Variants in SLC66A3 observed in about 807,000 individuals in gnomAD.
SLC66A3 encodes the protein solute carrier family 66 member 3, also known as PQ loop repeat containing 3.
Under a neutral mutation model 25.5 loss-of-function variants are expected in SLC66A3, and 23 were observed. The observed-to-expected ratio is 0.90, with a 90% CI of 0.65 to 1.28. The LOEUF is 1.28. Ranked by LOEUF, SLC66A3 falls within the 50% of genes most tolerant of loss-of-function variation. The pLI is 0.00. For synonymous variants in SLC66A3, 108 were observed against 112.6 expected (o/e 0.96, Z 0.26); for missense variants, 246 against 262.1 (o/e 0.94, Z 0.42).
chr2:11,161,349 G>A (rs1220657192), intron 3 of SLC66A3, among the ~76,000 whole-genome samples: 3 of 151,634 alleles, frequency 2.0e-5, no homozygotes, highest in Non-Finnish European at 4.4e-5. Context: ...TGGGATCAAA[G>A]CTCACTGCAG....
intron 4 of SLC66A3, among the ~76,000 whole-genome samples, chr2:11,168,745 G>A (rs1013151748): frequency 1.3e-5 from 2 of 152,012 alleles, no homozygotes; most frequent in African/African-American, 4.8e-5. Flanking sequence ...GCCATCCTCC[G>A]AGCATCTGCA....
In SLC66A3 at chr2:11,172,084, G is replaced by A. The variant is rs1207872216; in HGVS notation, c.475+39G>A. 7 of 1,607,620 alleles carry A rather than the reference G, an allele frequency of 4.4e-6. No homozygotes were observed. In the East Asian group the frequency reaches 1.6e-4, roughly 36 times the overall value. ...TCACATGGTGGGGAGGCCTTTGGTAGCACCAAGTGTCTACGTAGTAGGGTG... is the reference window on the plus strand; with the variant it reads ...TCACATGGTGGGGAGGCCTTTGGTAACACCAAGTGTCTACGTAGTAGGGTG... On this transcript the variant is annotated intron_variant, in intron 5 of 6. Transcript: ENST00000295083.
In SLC66A3 at chr2:11,177,726, T is replaced by TTTTA; in HGVS notation, c.518-7_518-4dup. On this transcript the variant is annotated splice_polypyrimidine_tract_variant and intron_variant, in intron 6 of 6. Coordinates refer to ENST00000295083, the MANE Select transcript of SLC66A3 (RefSeq NM_152391.5). The stretch of plus-strand genomic sequence containing the variant: ...AAGACAGTTTTTAATACACTTTTTT[T>TTTTA]TTTATTTCAGTTCTTCTACGTTTTG... The TTTTA allele has an allele frequency of 1.3e-6, 2 of 1,583,618 alleles. No individual in the cohort carries two copies. The highest frequency in any genetic ancestry group is 2.7e-5 in the African/African-American group (2 of 74,404).
intron 5 of SLC66A3, 83 bp downstream of exon 5, chr2:11,172,128 A>G: frequency 7.2e-7 from 1 of 1,382,912 alleles, no homozygotes; most frequent in Non-Finnish European, 1.0e-6. Context: ...GTGTTGAAGT[A>G]ACATGGTCCC....
At chr2:11,164,950 C>T (rs867469400) in intron 4 of SLC66A3, among the ~76,000 whole-genome samples, 5 of 152,250 alleles carry the variant, frequency 3.3e-5, no homozygotes, top group African/African-American at 1.2e-4. Context: ...TACACAGACA[C>T]AGCAACAATC....
At chr2:11,166,369 C>T (rs1039999173) in intron 4 of SLC66A3, among the ~76,000 whole-genome samples, 4 of 152,094 alleles carry the variant, frequency 2.6e-5, no homozygotes, top group Admixed American at 6.6e-5. Flanking sequence ...CAGAAGTGAA[C>T]GTTTCTACCC....
intron 6 of SLC66A3, among the ~76,000 whole-genome samples, chr2:11,175,385 A>C (rs2290157): frequency 0.025 from 3,848 of 152,322 alleles, 71 homozygotes; most frequent in East Asian, 0.055. Flanking sequence ...GGGCAGATTA[A>C]TTTGAAGAAG....
intron 6 of SLC66A3, among the ~76,000 whole-genome samples, chr2:11,176,634 T>C (rs1431784892): frequency 1.4e-5 from 2 of 139,882 alleles, no homozygotes; most frequent in African/African-American, 5.2e-5. Context: ...GTTCACGCCA[T>C]TCTCCTGCCT....
At chr2:11,156,494 G>A (rs906771022) in intron 1 of SLC66A3, among the ~76,000 whole-genome samples, 1 of 152,166 alleles carries the variant, frequency 6.6e-6, no homozygotes, top group African/African-American at 2.4e-5. Context: ...ACCCAGTGGG[G>A]TCTGAAGCCT....
chr2:11,162,023 A>G lies in SLC66A3; in HGVS notation c.296+1329A>G, dbSNP rs892983394. Among the ~76,000 whole-genome samples the G allele has an allele frequency of 2.0e-5, 3 of 152,218 alleles. 1 individual carries two copies. Among genetic ancestry groups the G allele is most frequent in the Admixed American group, 2.0e-4 (3 of 15,278 alleles). ...CCAGACAGGACAGGTCCCTGCCACC[A>G]CAGGGGTGGCTTCAGCATACACCAT... On this transcript the variant is annotated intron_variant, in intron 3 of 6. Coordinates refer to ENST00000295083, the MANE Select transcript of SLC66A3 (RefSeq NM_152391.5).
intron 1 of SLC66A3, among the ~76,000 whole-genome samples, chr2:11,158,139 G>A (rs10183455): frequency 0.19 from 29,190 of 152,220 alleles, 3,427 homozygotes; most frequent in Non-Finnish European, 0.26. Flanking sequence ...TGGAGCAGAT[G>A]GGAATGGAAA....
chr2:11,160,316 A>G, intron 1 of SLC66A3, 150 bp from the exon 2 acceptor site: 1 of 679,788 alleles, frequency 1.5e-6, no homozygotes, highest in South Asian at 1.7e-5. Context: ...AATTCCATCT[A>G]TTTTGTTCTA....
intron 3 of SLC66A3, among the ~76,000 whole-genome samples, chr2:11,162,856 T>C (rs1045499178): frequency 2.0e-5 from 3 of 152,224 alleles, no homozygotes; most frequent in Admixed American, 2.0e-4. Context: ...TCCACCTGCC[T>C]CAGCCTCCCA....
intron 5 of SLC66A3, chr2:11,172,787 A>G (rs756958399): frequency 6.9e-6 from 3 of 434,882 alleles, no homozygotes; most frequent in African/African-American, 6.1e-5. Flanking sequence ...GTGCAGTGAT[A>G]CGATCTTCAC....
At position 11,173,647 on chromosome 2, in the gene SLC66A3, T is replaced by G. The variant is rs903161117; in HGVS notation, c.476-1321T>G. ...GAAGGTAGACCAAAAAACTTCTATG[T>G]CAATATGTGCTAAATGCAGAATGTG... On this transcript the variant is annotated intron_variant, in intron 5 of 6. Coordinates refer to ENST00000295083, the MANE Select transcript of SLC66A3 (RefSeq NM_152391.5). Among the ~76,000 whole-genome samples, 5 of 152,214 alleles carry G rather than the reference T, an allele frequency of 3.3e-5. No homozygotes were observed. In the East Asian group the frequency reaches 7.7e-4, roughly 23 times the overall value.
chr2:11,161,050 A>G (rs1466927859), intron 3 of SLC66A3, among the ~76,000 whole-genome samples: 1 of 152,154 alleles, frequency 6.6e-6, no homozygotes, highest in Non-Finnish European at 1.5e-5. Flanking sequence ...TAATGAGAGT[A>G]TCCGGCGCCT....
chr2:11,164,782 A>G (rs1662259079), intron 4 of SLC66A3, among the ~76,000 whole-genome samples: 1 of 152,022 alleles, frequency 6.6e-6, no homozygotes, highest in East Asian at 1.9e-4. Context: ...AACAAAGCAC[A>G]TCTTGCACCG....
At chr2:11,166,382 C>A (rs1159763906) in intron 4 of SLC66A3, among the ~76,000 whole-genome samples, 2 of 152,152 alleles carry the variant, frequency 1.3e-5, no homozygotes, top group Non-Finnish European at 2.9e-5. Context: ...TTCTACCCAA[C>A]GAGAAAAGGA....
intron 6 of SLC66A3, among the ~76,000 whole-genome samples, chr2:11,175,806 T>A (rs534216642): frequency 1.1e-4 from 16 of 152,296 alleles, no homozygotes; most frequent in African/African-American, 3.6e-4. Flanking sequence ...TGGAAAATGA[T>A]TAGAACAGAT....
Sources: gnomAD v4.1 joint callset for allele counts (sites outside exome capture counted in the v4.1 genomes callset) on GRCh38, gnomAD v4.1.1 for gene constraint, MANE v1.5 for transcripts, NCBI Gene and HGNC (gene_info 2026-07-23, HGNC 2026-07-21) for gene names.